Variants in CAP2 observed in about 807,000 individuals in gnomAD.
The protein encoded by CAP2 is adenylyl cyclase-associated protein 2.
A neutral mutation model predicts 57.7 loss-of-function variants in CAP2; 24 were observed. That is an observed-to-expected ratio of 0.42 (90% CI 0.30 to 0.58). The LOEUF is 0.58. CAP2 is among the 20% of genes least tolerant of loss of function. The pLI, the probability that CAP2 is intolerant of heterozygous loss-of-function variation, is 0.22. For synonymous variants in CAP2, 194 were observed against 207.2 expected (o/e 0.94, Z 0.55); for missense variants, 501 against 590.3 (o/e 0.85, Z 1.57).
chr6:17,540,345 G>A (rs191424820), intron 8 of CAP2, among the ~76,000 whole-genome samples: 8 of 152,138 alleles, frequency 5.3e-5, no homozygotes, highest in East Asian at 1.9e-4. Context: ...TGATTTAGCC[G>A]TAAGAGAAGA....
At chr6:17,525,193 A>C (rs1273313337) in intron 7 of CAP2, among the ~76,000 whole-genome samples, 2 of 152,092 alleles carry the variant, frequency 1.3e-5, no homozygotes, top group South Asian at 4.1e-4. Context: ...ATGAGCCACC[A>C]CACCTGGCCA....
At chr6:17,554,192 G>A (rs987255101) in intron 12 of CAP2, among the ~76,000 whole-genome samples, 5 of 151,924 alleles carry the variant, frequency 3.3e-5, no homozygotes, top group Non-Finnish European at 7.4e-5. Context: ...CTGCAACCTC[G>A]ACCCCCCGGG....
intron 7 of CAP2, among the ~76,000 whole-genome samples, chr6:17,537,500 ATGTTT>A (rs141851337): frequency 1.3e-5 from 2 of 152,028 alleles, no homozygotes; most frequent in East Asian, 1.9e-4. Context: ...CCGAGCCAGC[ATGTTT>A]TGTTTTGTTT....
At chr6:17,406,263 T>C (rs1346615694) in intron 1 of CAP2, among the ~76,000 whole-genome samples, 1 of 152,152 alleles carries the variant, frequency 6.6e-6, no homozygotes, top group East Asian at 1.9e-4. Context: ...CTTATGCTGC[T>C]GTAGAGTTCT....
chr6:17,459,394 C>T (rs2113591341), intron 3 of CAP2, among the ~76,000 whole-genome samples: 1 of 152,182 alleles, frequency 6.6e-6, no homozygotes, highest in South Asian at 2.1e-4. Context: ...AGCTGATCTC[C>T]AATATGATGG....
At chr6:17,494,992 G>T (rs1761629990) in intron 4 of CAP2, among the ~76,000 whole-genome samples, 1 of 152,120 alleles carries the variant, frequency 6.6e-6, no homozygotes, top group Non-Finnish European at 1.5e-5. Context: ...GCTCTTCCTG[G>T]ATCTCCAGCC....
chr6:17,471,205 T>A (rs1761009657), intron 4 of CAP2, among the ~76,000 whole-genome samples: 1 of 152,152 alleles, frequency 6.6e-6, no homozygotes, highest in South Asian at 2.1e-4. Context: ...GTTTCTTAAG[T>A]CCATGCCCAG....
chr6:17,496,466 G>A (rs140859340), intron 4 of CAP2, among the ~76,000 whole-genome samples: 104 of 152,170 alleles, frequency 6.8e-4, no homozygotes, highest in African/African-American at 2.5e-3. Flanking sequence ...TCTATGGGAT[G>A]CATTGCTCTG....
chr6:17,496,113 A>T (rs977846625), intron 4 of CAP2, among the ~76,000 whole-genome samples: 1 of 151,448 alleles, frequency 6.6e-6, no homozygotes, highest in Non-Finnish European at 1.5e-5. Context: ...TAAGTGAGAC[A>T]ACCAGAGAGG....
At position 17,418,005 on chromosome 6, in the gene CAP2, G is replaced by C. The variant is rs1445315755; in HGVS notation, c.-1-3550G>C. Among the ~76,000 whole-genome samples, 3 of 152,116 alleles carry C rather than the reference G, an allele frequency of 2.0e-5. No homozygotes were observed. The East Asian group carries it at 5.8e-4, about 29-fold the overall frequency. On this transcript the variant is annotated intron_variant, in intron 1 of 12. Coordinates refer to ENST00000229922, the MANE Select transcript of CAP2 (RefSeq NM_006366.3). The stretch of plus-strand genomic sequence containing the variant: ...CTTAATTCCTGGCTGCCACCTCCTT[G>C]TCAAAACTTGGCTAAATCCACTTTG...
intron 4 of CAP2, among the ~76,000 whole-genome samples, chr6:17,497,776 T>C (rs1258360432): frequency 6.6e-6 from 1 of 152,232 alleles, no homozygotes; most frequent in Non-Finnish European, 1.5e-5. Flanking sequence ...TTTCTCTGAC[T>C]GGACTGTTAG....
At chr6:17,519,540 G>A (rs1163092198) in intron 7 of CAP2, among the ~76,000 whole-genome samples, 1 of 152,100 alleles carries the variant, frequency 6.6e-6, no homozygotes, top group Admixed American at 6.5e-5. Context: ...TCATCCTTGG[G>A]ACTGGACCTC....
intron 3 of CAP2, among the ~76,000 whole-genome samples, chr6:17,438,071 G>T (rs1010681315): frequency 6.8e-6 from 1 of 146,242 alleles, no homozygotes; most frequent in Non-Finnish European, 1.5e-5. Flanking sequence ...ATTATGACTA[G>T]ATTATAACAT....
At chr6:17,429,785 C>G (rs1375773156) in intron 3 of CAP2, among the ~76,000 whole-genome samples, 1 of 152,160 alleles carries the variant, frequency 6.6e-6, no homozygotes, top group Non-Finnish European at 1.5e-5. Flanking sequence ...TAGACTCCAG[C>G]TCTACAACAC....
intron 4 of CAP2, among the ~76,000 whole-genome samples, chr6:17,471,846 G>C (rs979759787): frequency 2.0e-5 from 3 of 148,358 alleles, no homozygotes; most frequent in Admixed American, 6.7e-5. Flanking sequence ...AAAAAAAAAA[G>C]GTTTCATTCT....
intron 4 of CAP2, among the ~76,000 whole-genome samples, chr6:17,492,481 A>G (rs1761568011): frequency 6.6e-6 from 1 of 152,172 alleles, no homozygotes; most frequent in South Asian, 2.1e-4. Flanking sequence ...ATCCTGGACT[A>G]TGTGCCGGCG....
rs1294713923 is a variant in CAP2 at position 17,513,586 on chromosome 6, G to C, written c.531-263G>C. On this transcript the variant is annotated intron_variant, in intron 6 of 12. Transcript: ENST00000229922. The surrounding 1 kb of genome is among the most constrained non-coding windows in gnomAD (Gnocchi z 4.3). Reference sequence around the variant, plus strand: ...ACCCTACTCAAGTCAGCTTAGCTCTGTCGGGTCCCCTCTCTGTGGTACCTC... The same window carrying C: ...ACCCTACTCAAGTCAGCTTAGCTCTCTCGGGTCCCCTCTCTGTGGTACCTC... Among the ~76,000 whole-genome samples the C allele has an allele frequency of 6.6e-6, 1 of 152,122 alleles. No individual in the cohort carries two copies. Among genetic ancestry groups the C allele is most frequent in the Non-Finnish European group, 1.5e-5 (1 of 68,034 alleles).
At chr6:17,474,570 G>A (rs1325719774) in intron 4 of CAP2, among the ~76,000 whole-genome samples, 1 of 152,078 alleles carries the variant, frequency 6.6e-6, no homozygotes, top group East Asian at 1.9e-4. Flanking sequence ...CACTTAGCAC[G>A]TCTGCATCTA....
At chr6:17,543,237 A>G in intron 11 of CAP2, 94 bp downstream of exon 11, 1 of 1,035,788 alleles carries the variant, frequency 9.7e-7, no homozygotes, top group South Asian at 1.3e-5. Flanking sequence ...TGTAGTAAGC[A>G]GCCTTTCCAA....
Sources: allele counts gnomAD v4.1 joint callset (sites outside exome capture counted in the v4.1 genomes callset), GRCh38; gene constraint gnomAD v4.1.1; non-coding constraint Gnocchi (gnomAD v3.1); transcripts MANE v1.5; gene names NCBI Gene and HGNC (gene_info 2026-07-23, HGNC 2026-07-21).